The following RNF144B variants were observed in gnomAD, a reference collection of about 807,000 sequenced individuals.
The protein encoded by RNF144B is E3 ubiquitin-protein ligase RNF144B.
RNF144B carries 25 observed loss-of-function variants against 40.2 expected under a neutral mutation model. The observed-to-expected ratio is 0.62, with a 90% CI of 0.45 to 0.87. RNF144B has a LOEUF of 0.87. RNF144B is among the 40% of genes least tolerant of loss of function. RNF144B has a pLI of 0.00. For missense variants in RNF144B, 365 were observed against 373.7 expected, an observed-to-expected ratio of 0.98 and a Z score of 0.19; for synonymous variants, 145 against 136.3, an observed-to-expected ratio of 1.06 and a Z score of -0.44.
rs1206996275 is a variant in RNF144B at position 18,446,777 on chromosome 6, C to T, written c.331+7033C>T. On this transcript the variant is annotated intron_variant, in intron 4 of 7. Transcript: ENST00000259939. The surrounding 1 kb of genome is among the most constrained non-coding windows in gnomAD (Gnocchi z 4.7). ...AAGCTACTGGCAGCTAGTGGGTAGA[C>T]GCCAGGGATGCTGCTCAACATCTAA... 6.6e-6 allele frequency among the ~76,000 whole-genome samples: 1 copy of T among 151,866 alleles called. No individual in the cohort carries two copies. Among genetic ancestry groups the T allele is most frequent in the Admixed American group, 6.6e-5 (1 of 15,224 alleles).
intron 4 of RNF144B, among the ~76,000 whole-genome samples, chr6:18,440,746 G>C (rs1758941077): frequency 1.3e-5 from 2 of 150,938 alleles, no homozygotes; most frequent in South Asian, 4.2e-4. Context: ...CTTAGATCTA[G>C]ATCTGGCTTG....
At chr6:18,394,756 CAAG>C (rs1396739096) in intron 1 of RNF144B, among the ~76,000 whole-genome samples, 9 of 152,138 alleles carry the variant, frequency 5.9e-5, no homozygotes, top group African/African-American at 1.9e-4. Flanking sequence ...ATTCTAATGA[CAAG>C]ACACGAGGGG....
At chr6:18,453,428 G>T (rs1410555847) in intron 4 of RNF144B, among the ~76,000 whole-genome samples, 1 of 151,964 alleles carries the variant, frequency 6.6e-6, no homozygotes, top group East Asian at 1.9e-4. Context: ...ATGAGCTACT[G>T]CACCCAGCCT....
At position 18,418,400 on chromosome 6, in the gene RNF144B, GAAGT is replaced by G. The variant is rs1562046488; in HGVS notation, c.166-9179_166-9176del. Among the ~76,000 whole-genome samples, 1 of 152,178 alleles carries G rather than the reference GAAGT, an allele frequency of 6.6e-6. No homozygotes were observed. Among genetic ancestry groups the G allele is most frequent in the African/African-American group, 2.4e-5 (1 of 41,452 alleles). On this transcript the variant is annotated intron_variant, in intron 2 of 7. Coordinates refer to ENST00000259939, the MANE Select transcript of RNF144B (RefSeq NM_182757.4). This position sits in a 1 kb window ranked among gnomAD's most constrained non-coding sequence, Gnocchi z 5.2. Reference sequence around the variant, plus strand: ...CATACTATTCAGCAATAAAATAAATGAAGTACCAATACATGCTACAACATGTATG... The same window carrying G: ...CATACTATTCAGCAATAAAATAAATGACCAATACATGCTACAACATGTATG...
rs1462681672 is a variant in RNF144B at position 18,387,565 on chromosome 6, C to G, written c.-102C>G. The G allele has an allele frequency of 7.5e-7, 1 of 1,328,310 alleles. No individual in the cohort carries two copies. Among genetic ancestry groups the G allele is most frequent in the Admixed American group, 2.0e-5 (1 of 49,068 alleles). 82.3% of individuals were successfully genotyped at this position (1,328,310 alleles called of 1,614,324 possible). On this transcript the variant is annotated 5_prime_UTR_variant, in exon 1 of 8. Coordinates refer to ENST00000259939, the MANE Select transcript of RNF144B (RefSeq NM_182757.4). ...CTGTCCGGTGTGCCAGCAGCCCGGACTGGCGGTGAGCGCGAGGGAGGCTAC... is the reference window on the plus strand; with the variant it reads ...CTGTCCGGTGTGCCAGCAGCCCGGAGTGGCGGTGAGCGCGAGGGAGGCTAC...
chr6:18,446,667 G>C lies in RNF144B; in HGVS notation c.331+6923G>C, dbSNP rs1353152857. ...ACATTCTAGGCATCTTGCTGGGTCA[G>C]TGATTGTCAGAGAAGGGTGAATGGA... On this transcript the variant is annotated intron_variant, in intron 4 of 7. Transcript: ENST00000259939. The surrounding 1 kb of genome is among the most constrained non-coding windows in gnomAD (Gnocchi z 4.7). Among the ~76,000 whole-genome samples, 1 of 152,170 alleles carries C rather than the reference G, an allele frequency of 6.6e-6. No homozygotes were observed. Among genetic ancestry groups the C allele is most frequent in the Non-Finnish European group, 1.5e-5 (1 of 68,026 alleles).
At position 18,422,574 on chromosome 6, in the gene RNF144B, C is replaced by CT. The variant is rs149488410; in HGVS notation, c.166-5005dup. Among the ~76,000 whole-genome samples, 1,593 of 152,262 alleles carry CT rather than the reference C, an allele frequency of 0.01. 32 individuals are homozygous for CT. The highest frequency in any genetic ancestry group is 0.036 in the African/African-American group (1,510 of 41,554). ...CTAGGTCAATAGTTCACCAACTCACCTTCAAGCCAGGTGGGCTGACAAGTC... is the reference window on the plus strand; with the variant it reads ...CTAGGTCAATAGTTCACCAACTCACCTTTCAAGCCAGGTGGGCTGACAAGTC... On this transcript the variant is annotated intron_variant, in intron 2 of 7. Transcript: ENST00000259939. This position sits in a 1 kb window ranked among gnomAD's most constrained non-coding sequence, Gnocchi z 4.7.
At chr6:18,421,112 G>C (rs767072362) in intron 2 of RNF144B, among the ~76,000 whole-genome samples, 80 of 151,788 alleles carry the variant, frequency 5.3e-4, no homozygotes, top group Non-Finnish European at 1.1e-3. Flanking sequence ...AAATAGCCTG[G>C]CATGGTGGTG....
rs1246387013 is a variant in RNF144B at position 18,466,740 on chromosome 6, T to C, written c.*1673T>C. On this transcript the variant is annotated 3_prime_UTR_variant, in exon 8 of 8. Transcript: ENST00000259939. Reference sequence around the variant, plus strand: ...CTATCTCGGACCTATTGTTAAAGGATGATGCTTTGCCTATGTAATAGGATA... The same window carrying C: ...CTATCTCGGACCTATTGTTAAAGGACGATGCTTTGCCTATGTAATAGGATA... 1 of 152,664 alleles carries C rather than the reference T, an allele frequency of 6.6e-6. No individual in the cohort carries two copies. The highest frequency in any genetic ancestry group is 1.5e-5 in the Non-Finnish European group (1 of 68,042). The allele number at this position is 152,664 out of a possible 1,614,324, so 9.5% of individuals were successfully genotyped here.
At chr6:18,392,314 A>G (rs913671898) in intron 1 of RNF144B, among the ~76,000 whole-genome samples, 1 of 152,214 alleles carries the variant, frequency 6.6e-6, no homozygotes, top group African/African-American at 2.4e-5. Context: ...GCACCAATAT[A>G]TATTTTGTAA....
rs1264732092 is a variant in RNF144B, at chr6:18,425,097, A to C, written c.166-2484A>C. The stretch of plus-strand genomic sequence containing the variant: ...TGTTAAAACCTGTGAGGTAACTATA[A>C]CAGGTATTATTGTCCCTACTTTTTA... On this transcript the variant is annotated intron_variant, in intron 2 of 7. Coordinates refer to ENST00000259939, the MANE Select transcript of RNF144B (RefSeq NM_182757.4). The surrounding 1 kb of genome is among the most constrained non-coding windows in gnomAD (Gnocchi z 4.2). Among the ~76,000 whole-genome samples the C allele has an allele frequency of 6.6e-6, 1 of 152,090 alleles. No homozygotes were observed. Among genetic ancestry groups the C allele is most frequent in the African/African-American group, 2.4e-5 (1 of 41,392 alleles).
chr6:18,411,131 C>T (rs963352604), intron 2 of RNF144B, among the ~76,000 whole-genome samples: 4 of 151,846 alleles, frequency 2.6e-5, no homozygotes, highest in East Asian at 2.0e-4. Context: ...ACTACAGGCA[C>T]GTGCCACCAC....
At chr6:18,413,034 T>C (rs1795078664) in intron 2 of RNF144B, among the ~76,000 whole-genome samples, 2 of 152,246 alleles carry the variant, frequency 1.3e-5, no homozygotes, top group Admixed American at 6.5e-5. Context: ...GCAAGGGTAC[T>C]ATTTTTTCCC....
At chr6:18,455,892 GT>G (rs1375527670) in intron 4 of RNF144B, among the ~76,000 whole-genome samples, 9 of 151,472 alleles carry the variant, frequency 5.9e-5, no homozygotes, top group Admixed American at 1.3e-4. Flanking sequence ...ACATGTGGGG[GT>G]TTTTTTTGTT....
intron 6 of RNF144B, among the ~76,000 whole-genome samples, chr6:18,462,638 G>A (rs1759480404): frequency 6.7e-6 from 1 of 149,712 alleles, no homozygotes; most frequent in Admixed American, 6.7e-5. Flanking sequence ...TGGACCCTGA[G>A]CTAGTTTCTC....
chr6:18,455,010 A>G (rs1464538148), intron 4 of RNF144B, among the ~76,000 whole-genome samples: 1 of 152,220 alleles, frequency 6.6e-6, no homozygotes, highest in East Asian at 1.9e-4. Flanking sequence ...CGAAGTAGAT[A>G]TTTGATATGG....
chr6:18,463,227 G>T (rs1759506169), intron 6 of RNF144B, 64 bp from the exon 7 acceptor site: 3 of 1,039,082 alleles, frequency 2.9e-6, no homozygotes, highest in Non-Finnish European at 4.5e-6. Context: ...GATCTGATGT[G>T]GTCTGTATTC....
Position 18,460,798 on chromosome 6 carries a change from G to C in RNF144B, c.681+1047G>C, listed in dbSNP as rs1397204013. 6.6e-6 allele frequency among the ~76,000 whole-genome samples: 1 copy of C among 151,998 alleles called. No individual in the cohort carries two copies. Among genetic ancestry groups the C allele is most frequent in the Non-Finnish European group, 1.5e-5 (1 of 68,012 alleles). On this transcript the variant is annotated intron_variant, in intron 6 of 7. Coordinates refer to ENST00000259939, the MANE Select transcript of RNF144B (RefSeq NM_182757.4). The surrounding 1 kb of genome is among the most constrained non-coding windows in gnomAD (Gnocchi z 4.4). The stretch of plus-strand genomic sequence containing the variant: ...TGCCAAGGCTAATGGTAACTTCAGA[G>C]TTAAAAATGCGATGCAAAGAGTTGG...
intron 3 of RNF144B, among the ~76,000 whole-genome samples, chr6:18,431,510 T>A (rs1027491712): frequency 6.6e-6 from 1 of 152,210 alleles, no homozygotes; most frequent in Non-Finnish European, 1.5e-5. Flanking sequence ...GCTTATAATC[T>A]ATATATTACT....
Sources: allele counts gnomAD v4.1 joint callset (sites outside exome capture counted in the v4.1 genomes callset), GRCh38; gene constraint gnomAD v4.1.1; non-coding constraint Gnocchi (gnomAD v3.1); transcripts MANE v1.5; gene names NCBI Gene and HGNC (gene_info 2026-07-23, HGNC 2026-07-21).